The following MEMO1 variants were observed in gnomAD, a reference collection of about 807,000 sequenced individuals.
The protein encoded by MEMO1 is mediator of cell motility 1.
Under a neutral mutation model 45.2 loss-of-function variants are expected in MEMO1, and 6 were observed. The observed-to-expected ratio is 0.13, with a 90% CI of 0.07 to 0.26. The LOEUF is 0.26. Among genes scored for constraint, MEMO1 ranks in the 10% least tolerant of loss-of-function variants. The pLI, the probability that MEMO1 is intolerant of heterozygous loss-of-function variation, is 1.00. For missense variants in MEMO1, 184 were observed against 370.5 expected (o/e 0.50, Z 4.13); for synonymous variants, 78 against 124.3 (o/e 0.63, Z 2.48).
chr2:31,975,384 C>T (rs1012251655), intron 2 of MEMO1, among the ~76,000 whole-genome samples: 1 of 152,126 alleles, frequency 6.6e-6, no homozygotes. Context: ...ATCTTTGTGA[C>T]GGTCAGAGGA....
At chr2:31,943,968 C>A (rs577550358) in intron 2 of MEMO1, among the ~76,000 whole-genome samples, 1 of 152,206 alleles carries the variant, frequency 6.6e-6, no homozygotes, top group East Asian at 1.9e-4. Context: ...TTAACTCCAA[C>A]AGACCCTACA....
In MEMO1 at chr2:31,889,549, A is replaced by G. The variant is rs1311360611; in HGVS notation, c.580+2443T>C. ...CCACTACAATATGAATGTGAGAAAC[A>G]TGAAACTTAATTCTTTAGATAGCTT... is the stretch of plus-strand genomic sequence containing the variant. On this transcript the variant is annotated intron_variant, in intron 7 of 9. Transcript: ENST00000404530. Among the ~76,000 whole-genome samples, 8 of 152,250 alleles carry G rather than the reference A, an allele frequency of 5.3e-5. No homozygotes were observed. The East Asian group carries it at 1.3e-3, about 26-fold the overall frequency.
chr2:31,941,479 A>G (rs1229718743), intron 3 of MEMO1, among the ~76,000 whole-genome samples: 2 of 152,178 alleles, frequency 1.3e-5, no homozygotes, highest in East Asian at 3.8e-4. Flanking sequence ...AGCACCTGAC[A>G]TAGAATATAA....
At chr2:31,963,469 G>A (rs1668260421) in intron 2 of MEMO1, among the ~76,000 whole-genome samples, 1 of 152,162 alleles carries the variant, frequency 6.6e-6, no homozygotes, top group Non-Finnish European at 1.5e-5. Flanking sequence ...ACAATGGTAG[G>A]AAACAAATTC....
chr2:31,936,114 T>A (rs1664890577), intron 3 of MEMO1, among the ~76,000 whole-genome samples: 1 of 151,692 alleles, frequency 6.6e-6, no homozygotes, highest in Non-Finnish European at 1.5e-5. Flanking sequence ...CAGGCATCCG[T>A]CACCACACCT....
chr2:31,899,166 C>T (rs1310963699), intron 6 of MEMO1, among the ~76,000 whole-genome samples: 1 of 152,106 alleles, frequency 6.6e-6, no homozygotes, highest in Non-Finnish European at 1.5e-5. Flanking sequence ...ACTTTCTTCA[C>T]AGAATTAGAA....
chr2:31,932,444 G>T (rs994396433), intron 3 of MEMO1, among the ~76,000 whole-genome samples: 27 of 143,498 alleles, frequency 1.9e-4, no homozygotes, highest in African/African-American at 2.5e-5. Flanking sequence ...TTTTGTTGTT[G>T]TTTTTTTTTT....
rs1558542028 is a variant in MEMO1 at position 31,969,591 on chromosome 2, GT to G, written c.62-26209del. 8.3e-3 allele frequency among the ~76,000 whole-genome samples: 350 copies of G among 42,026 alleles called. 2 individuals are homozygous for G. Among genetic ancestry groups the G allele is most frequent in the African/African-American group, 0.019 (281 of 14,882 alleles). 27.6% of individuals were successfully genotyped at this position (42,026 alleles called of 152,430 possible). On this transcript the variant is annotated intron_variant, in intron 2 of 9. Coordinates refer to ENST00000404530, the MANE Select transcript of MEMO1 (RefSeq NM_001301833.4). ...TTTCTGGGGGTGTGTGTGTGGGTGT[GT>G]GTGTGTGTGTGTGTGTGTGTGTGTG...
At chr2:31,952,754 T>C (rs995676906) in intron 2 of MEMO1, among the ~76,000 whole-genome samples, 1 of 152,166 alleles carries the variant, frequency 6.6e-6, no homozygotes, top group African/African-American at 2.4e-5. Context: ...TACAGAAAAT[T>C]TGAGGAATAT....
chr2:31,942,615 C>T (rs1052930824), intron 3 of MEMO1, among the ~76,000 whole-genome samples: 1 of 152,036 alleles, frequency 6.6e-6, no homozygotes, highest in African/African-American at 2.4e-5. Context: ...AAGCGACCCC[C>T]GACGTCAGAA....
At chr2:31,956,168 C>T (rs561325473) in intron 2 of MEMO1, among the ~76,000 whole-genome samples, 10 of 152,058 alleles carry the variant, frequency 6.6e-5, no homozygotes, top group Non-Finnish European at 1.0e-4. Context: ...CTTTTTTCTT[C>T]ATTTTTTGGA....
chr2:31,939,931 C>T (rs569790799), intron 3 of MEMO1, among the ~76,000 whole-genome samples: 1 of 152,266 alleles, frequency 6.6e-6, no homozygotes, highest in African/African-American at 2.4e-5. Context: ...TTCATTTCCA[C>T]CACCCCACAG....
intron 9 of MEMO1, among the ~76,000 whole-genome samples, chr2:31,869,042 C>A (rs984935983): frequency 1.3e-5 from 2 of 152,082 alleles, no homozygotes; most frequent in African/African-American, 4.8e-5. Context: ...AGTTTAAGTT[C>A]TTGAAAAGCT....
chr2:31,926,561 A>AT (rs911465265), intron 4 of MEMO1, among the ~76,000 whole-genome samples: 36 of 152,120 alleles, frequency 2.4e-4, no homozygotes, highest in South Asian at 8.3e-4. Flanking sequence ...AAGAAATGTT[A>AT]TTTTTTGCCA....
chr2:31,893,702 ATACT>A (rs145927745), intron 6 of MEMO1, among the ~76,000 whole-genome samples: 134 of 152,340 alleles, frequency 8.8e-4, no homozygotes, highest in Non-Finnish European at 1.6e-3. Flanking sequence ...CATAATTACA[ATACT>A]TACTTCATAA....
At chr2:31,904,044 G>A (rs1023807901) in intron 6 of MEMO1, among the ~76,000 whole-genome samples, 9 of 152,174 alleles carry the variant, frequency 5.9e-5, no homozygotes, top group Admixed American at 2.0e-4. Flanking sequence ...TGAAACCTAA[G>A]CTATAATAAA....
At chr2:31,963,297 G>A in intron 2 of MEMO1, 1 of 1,502,686 alleles carries the variant, frequency 6.7e-7, no homozygotes, top group South Asian at 1.3e-5. Context: ...TCTACAGATA[G>A]GGATACAGAT....
intron 6 of MEMO1, among the ~76,000 whole-genome samples, chr2:31,901,985 A>T (rs954229451): frequency 6.6e-6 from 1 of 151,872 alleles, no homozygotes; most frequent in African/African-American, 2.4e-5. Flanking sequence ...AAAAACATTG[A>T]GTTGAGACCT....
intron 2 of MEMO1, among the ~76,000 whole-genome samples, chr2:31,978,157 C>T (rs765843542): frequency 6.6e-6 from 1 of 152,024 alleles, no homozygotes; most frequent in African/African-American, 2.4e-5. Context: ...TAAGTCAAGG[C>T]GGGAGGATCA....
Sources: gnomAD v4.1 joint callset for allele counts (sites outside exome capture counted in the v4.1 genomes callset) on GRCh38, gnomAD v4.1.1 for gene constraint, MANE v1.5 for transcripts, NCBI Gene and HGNC (gene_info 2026-07-23, HGNC 2026-07-21) for gene names.